Variants in PLCE1 observed in about 807,000 individuals in gnomAD.
PLCE1 encodes 1-phosphatidylinositol 4,5-bisphosphate phosphodiesterase epsilon-1.
In PLCE1, 119 loss-of-function variants were observed where a neutral mutation model predicts 242.8. The observed-to-expected ratio is 0.49, with a 90% CI of 0.42 to 0.57. PLCE1 has a LOEUF of 0.57. Ranked by LOEUF, PLCE1 falls within the 20% of genes least tolerant of loss-of-function variation. PLCE1 has a pLI of 0.00. For missense variants in PLCE1, 2,441 were observed against 2,788.8 expected (o/e 0.88, Z 2.81); for synonymous variants, 945 against 1,017.4 (o/e 0.93, Z 1.35).
At chr10:94,035,629 C>T (rs555585152) in intron 2 of PLCE1, among the ~76,000 whole-genome samples, 23 of 152,226 alleles carry the variant, frequency 1.5e-4, no homozygotes, top group African/African-American at 5.1e-4. Context: ...GGGGAATAGG[C>T]TGGTTGTCCT....
chr10:94,145,675 C>T (rs900838172), intron 3 of PLCE1, among the ~76,000 whole-genome samples: 2 of 152,078 alleles, frequency 1.3e-5, no homozygotes, highest in African/African-American at 4.8e-5. Context: ...CACCTGGCCC[C>T]ACCTCCAGGT....
Position 94,330,952 on chromosome 10 carries a change from T to C in PLCE1, c.*3009T>C, listed in dbSNP as rs757103858. 3 of 152,210 alleles carry C rather than the reference T, an allele frequency of 2.0e-5. No individual in the cohort carries two copies. Among genetic ancestry groups the C allele is most frequent in the Non-Finnish European group, 2.9e-5 (2 of 68,042 alleles). 9.4% of individuals were successfully genotyped at this position (152,210 alleles called of 1,614,324 possible). On this transcript the variant is annotated 3_prime_UTR_variant, in exon 33 of 33. Transcript: ENST00000371380. ...GTGGACAAGAATCTAAATATGCAAG[T>C]TGGGGTCATTACAAAATTTTAAGAA...
At chr10:94,283,428 T>G in intron 20 of PLCE1, 1 of 295,738 alleles carries the variant, frequency 3.4e-6, no homozygotes, top group Non-Finnish European at 6.5e-6. Flanking sequence ...CCCAAACGTG[T>G]GTGCTGTCAG....
At chr10:94,173,688 A>T (rs954029294) in intron 4 of PLCE1, among the ~76,000 whole-genome samples, 2 of 152,212 alleles carry the variant, frequency 1.3e-5, no homozygotes, top group Non-Finnish European at 2.9e-5. Flanking sequence ...GTTAGAGATG[A>T]TATGACCTAC....
chr10:94,318,917 A>C (rs1287451634), intron 29 of PLCE1, among the ~76,000 whole-genome samples: 1 of 152,162 alleles, frequency 6.6e-6, no homozygotes, highest in Non-Finnish European at 1.5e-5. Flanking sequence ...GCGTGGTAGC[A>C]GGCACCTGTA....
chr10:94,220,687 C>A (rs2049710136), intron 4 of PLCE1, among the ~76,000 whole-genome samples: 1 of 151,996 alleles, frequency 6.6e-6, no homozygotes. Context: ...GCAGAGCAGT[C>A]ACAGTAGTGA....
intron 1 of PLCE1, among the ~76,000 whole-genome samples, chr10:94,026,582 TA>T (rs1267743450): frequency 6.6e-6 from 1 of 152,170 alleles, no homozygotes; most frequent in Non-Finnish European, 1.5e-5. Context: ...CAGCTTCCCT[TA>T]AAAACAACCT....
At chr10:94,255,164 G>A (rs2051027801) in intron 11 of PLCE1, 115 bp downstream of exon 11, 1 of 1,348,078 alleles carries the variant, frequency 7.4e-7, no homozygotes. Flanking sequence ...ATGTATAGTT[G>A]AACTGAAAAC....
chr10:94,282,396 T>C (rs1296328755), intron 20 of PLCE1, among the ~76,000 whole-genome samples: 1 of 152,112 alleles, frequency 6.6e-6, no homozygotes, highest in East Asian at 1.9e-4. Context: ...TTGTGTCTAG[T>C]TTTGAACATA....
intron 4 of PLCE1, among the ~76,000 whole-genome samples, chr10:94,180,556 C>T (rs1175650616): frequency 6.6e-6 from 1 of 152,184 alleles, no homozygotes; most frequent in Non-Finnish European, 1.5e-5. Flanking sequence ...TTATATTCCT[C>T]TCTTGACCAC....
intron 1 of PLCE1, among the ~76,000 whole-genome samples, chr10:93,999,194 A>G (rs1243516205): frequency 1.3e-5 from 2 of 152,236 alleles, no homozygotes; most frequent in African/African-American, 4.8e-5. Flanking sequence ...AGAGAATGAT[A>G]ATATAGCTAG....
intron 2 of PLCE1, among the ~76,000 whole-genome samples, chr10:94,045,829 G>A (rs753895404): frequency 2.0e-5 from 3 of 152,100 alleles, no homozygotes; most frequent in Non-Finnish European, 2.9e-5. Context: ...GGCCAGGCGC[G>A]GTGGCTCACG....
chr10:94,309,872 G>A (rs1052530092), intron 27 of PLCE1, among the ~76,000 whole-genome samples: 3 of 152,008 alleles, frequency 2.0e-5, no homozygotes, highest in African/African-American at 7.2e-5. Context: ...ATTAAAAAAC[G>A]TGTTTTAATT....
At chr10:94,235,640 C>T in intron 6 of PLCE1, 1 of 743,646 alleles carries the variant, frequency 1.3e-6, no homozygotes, top group South Asian at 6.1e-5. Context: ...TAATCTTCTC[C>T]TTAGGGAGCC....
intron 2 of PLCE1, among the ~76,000 whole-genome samples, chr10:94,085,086 C>T (rs1373406970): frequency 2.0e-5 from 3 of 152,120 alleles, no homozygotes; most frequent in Non-Finnish European, 4.4e-5. Context: ...GTATAAAGGA[C>T]CTACTCTGGA....
chr10:94,093,302 C>A (rs1434247282), intron 2 of PLCE1, among the ~76,000 whole-genome samples: 3 of 152,132 alleles, frequency 2.0e-5, no homozygotes, highest in Non-Finnish European at 4.4e-5. Context: ...TTTGAATTCC[C>A]AAACCATGTC....
At chr10:94,185,523 A>G (rs1317853158) in intron 4 of PLCE1, among the ~76,000 whole-genome samples, 1 of 152,178 alleles carries the variant, frequency 6.6e-6, no homozygotes, top group African/African-American at 2.4e-5. Context: ...TCTGGGCATG[A>G]ACATGGGGTT....
At chr10:94,154,895 C>A (rs1013101506) in intron 3 of PLCE1, among the ~76,000 whole-genome samples, 1 of 144,658 alleles carries the variant, frequency 6.9e-6, no homozygotes, top group African/African-American at 2.5e-5. Context: ...TATATATATA[C>A]ATATATATAT....
At chr10:94,179,530 T>TTTTTTTTGA (rs10636243) in intron 4 of PLCE1, among the ~76,000 whole-genome samples, 1,365 of 118,692 alleles carry the variant, frequency 0.012, 73 homozygotes, top group African/African-American at 0.041. Flanking sequence ...TTTTTTTTTT[T>TTTTTTTTGA]GACAGGGTCT....
Sources: allele counts gnomAD v4.1 joint callset (sites outside exome capture counted in the v4.1 genomes callset), GRCh38; gene constraint gnomAD v4.1.1; transcripts MANE v1.5; gene names NCBI Gene and HGNC (gene_info 2026-07-23, HGNC 2026-07-21).